The following DDR2 variants were observed in gnomAD, a reference collection of about 807,000 sequenced individuals.
DDR2 encodes the protein discoidin domain-containing receptor 2.
A neutral mutation model predicts 94.9 loss-of-function variants in DDR2; 27 were observed. That is an observed-to-expected ratio of 0.28 (90% CI 0.21 to 0.39). DDR2 has a LOEUF of 0.39. Among genes scored for constraint, DDR2 ranks in the 10% least tolerant of loss-of-function variants. The pLI is 1.00. For synonymous variants in DDR2, 382 were observed against 377.2 expected (o/e 1.01, Z -0.15); for missense variants, 783 against 1,076.0 (o/e 0.73, Z 3.81).
intron 11 of DDR2, among the ~76,000 whole-genome samples, chr1:162,768,689 A>T (rs1179616743): frequency 6.6e-6 from 1 of 152,180 alleles, no homozygotes; most frequent in Non-Finnish European, 1.5e-5. Flanking sequence ...GGTTCCTGAG[A>T]TGGTTGATGT....
intron 4 of DDR2, among the ~76,000 whole-genome samples, chr1:162,753,986 G>A (rs1663337569): frequency 6.6e-6 from 1 of 152,192 alleles, no homozygotes. Flanking sequence ...AGAAAAGGGA[G>A]CAATCCAAGG....
At chr1:162,761,113 G>T (rs902517084) in intron 8 of DDR2, 98 bp from the exon 9 acceptor site, 6 of 1,559,282 alleles carry the variant, frequency 3.8e-6, no homozygotes, top group African/African-American at 1.4e-5. Flanking sequence ...AGAATAGCTC[G>T]AATCAGGGTA....
rs569818031 is a variant in DDR2, at chr1:162,665,584, C to G, written c.-28+10210C>G. On this transcript the variant is annotated intron_variant, in intron 2 of 17. Coordinates refer to ENST00000367921, the MANE Select transcript of DDR2 (RefSeq NM_006182.4). The stretch of plus-strand genomic sequence containing the variant: ...TATGATTTTTTTTTTTTTTTTGCCA[C>G]TCATACAGGCTGCCTTTTATCAAAA... 1.8e-3 allele frequency among the ~76,000 whole-genome samples: 270 copies of G among 147,494 alleles called. 3 individuals carry two copies. The highest frequency in any genetic ancestry group is 6.3e-3 in the African/African-American group (254 of 40,086).
At chr1:162,672,700 A>G (rs974125917) in intron 2 of DDR2, among the ~76,000 whole-genome samples, 1 of 152,212 alleles carries the variant, frequency 6.6e-6, no homozygotes, top group Non-Finnish European at 1.5e-5. Flanking sequence ...GTATTGTGGT[A>G]AAAGATTAAC....
At chr1:162,704,008 C>G (rs1253006915) in intron 2 of DDR2, among the ~76,000 whole-genome samples, 2 of 152,134 alleles carry the variant, frequency 1.3e-5, no homozygotes, top group Non-Finnish European at 2.9e-5. Context: ...TGGTGGCATC[C>G]TTCATTTGAC....
intron 2 of DDR2, among the ~76,000 whole-genome samples, chr1:162,670,103 T>C (rs1229328443): frequency 6.6e-6 from 1 of 152,130 alleles, no homozygotes; most frequent in Non-Finnish European, 1.5e-5. Context: ...TTTGTAAACA[T>C]TTGTTTTGTT....
At chr1:162,758,035 G>A (rs1308019300) in intron 7 of DDR2, among the ~76,000 whole-genome samples, 1 of 152,146 alleles carries the variant, frequency 6.6e-6, no homozygotes, top group East Asian at 1.9e-4. Flanking sequence ...ATGGAAAAGG[G>A]AAACCAAGGA....
chr1:162,763,137 A>G (rs1214518752), intron 9 of DDR2, among the ~76,000 whole-genome samples: 1 of 147,458 alleles, frequency 6.8e-6, no homozygotes, highest in African/African-American at 2.5e-5. Context: ...GTGTCTGGCC[A>G]TTATTCTTTT....
At chr1:162,713,014 A>G (rs1213992109) in intron 2 of DDR2, among the ~76,000 whole-genome samples, 1 of 152,190 alleles carries the variant, frequency 6.6e-6, no homozygotes, top group Non-Finnish European at 1.5e-5. Flanking sequence ...AACAGCCTCA[A>G]TTGAGGGTGA....
At position 162,778,687 on chromosome 1, in the gene DDR2, T is replaced by G; in HGVS notation, c.2391T>G (p.Val797=). 6.2e-7 allele frequency: 1 copy of G among 1,614,020 alleles called. No homozygotes were observed. The highest frequency in any genetic ancestry group is 1.1e-5 in the South Asian group (1 of 91,080). Residue 797 remains valine, a synonymous_variant, in exon 17 of 18, where the codon GTT becomes GTG. Transcript: ENST00000367921. The part of the protein sequence containing the change: ...QPYSQLSDEQ[V]IENTGEFFRD... The stretch of plus-strand genomic sequence containing the variant: ...ATTCCCAGCTGTCAGATGAACAGGT[T>G]ATTGAGAATACTGGAGAGTTCTTCC...
At chr1:162,761,536 G>C in intron 9 of DDR2, 82 bp downstream of exon 9, 1 of 1,605,912 alleles carries the variant, frequency 6.2e-7, no homozygotes, top group Non-Finnish European at 8.5e-7. Context: ...CTCATTAGCA[G>C]GTCTCTGAGA....
At chr1:162,766,283 T>C (rs1226112016) in intron 10 of DDR2, among the ~76,000 whole-genome samples, 1 of 152,088 alleles carries the variant, frequency 6.6e-6, no homozygotes, top group African/African-American at 2.4e-5. Flanking sequence ...TGAGGCAGAG[T>C]CTGGAGTTGT....
chr1:162,750,658 A>T (rs534621041), intron 3 of DDR2, among the ~76,000 whole-genome samples: 1 of 152,332 alleles, frequency 6.6e-6, no homozygotes, highest in South Asian at 2.1e-4. Context: ...TAAAGTTCAT[A>T]TGGAACCAAA....
chr1:162,778,224 C>CTCTA (rs1477931434), intron 16 of DDR2, among the ~76,000 whole-genome samples: 1 of 152,162 alleles, frequency 6.6e-6, no homozygotes, highest in Non-Finnish European at 1.5e-5. Context: ...AACTAGATTC[C>CTCTA]TCTATCTCTA....
intron 1 of DDR2, among the ~76,000 whole-genome samples, chr1:162,639,500 T>G (rs1336916591): frequency 6.6e-6 from 1 of 152,212 alleles, no homozygotes; most frequent in Non-Finnish European, 1.5e-5. Flanking sequence ...AAGTGGATCA[T>G]AGACCAAAAT....
rs375126775 is a variant in DDR2, at chr1:162,760,027, A to C, written c.855+48A>C. The C allele has an allele frequency of 1.6e-5, 26 of 1,613,210 alleles. 1 individual carries two copies. Among genetic ancestry groups the C allele is most frequent in the Admixed American group, 3.3e-5 (2 of 60,000 alleles). On this transcript the variant is annotated intron_variant, in intron 8 of 17. Coordinates refer to ENST00000367921, the MANE Select transcript of DDR2 (RefSeq NM_006182.4). ...GAACTTCTTTAAGGAGGCACAAATCATAGTGTGGTAGAGAAAAGGCATGCT... is the reference window on the plus strand; with the variant it reads ...GAACTTCTTTAAGGAGGCACAAATCCTAGTGTGGTAGAGAAAAGGCATGCT...
At chr1:162,687,460 A>G (rs752285220) in intron 2 of DDR2, among the ~76,000 whole-genome samples, 28 of 152,118 alleles carry the variant, frequency 1.8e-4, no homozygotes, top group Admixed American at 6.5e-5. Context: ...GCAGATTAGG[A>G]ATATATGTTT....
rs543798114 is a variant in DDR2 at position 162,702,036 on chromosome 1, G to T, written c.-27-17001G>T. ...GCTCCTTGAAACTTTGCATCCTGGA[G>T]ATACAGCTTTCTAGTCACAAAGCCC... On this transcript the variant is annotated intron_variant, in intron 2 of 17. Coordinates refer to ENST00000367921, the MANE Select transcript of DDR2 (RefSeq NM_006182.4). 5.9e-5 allele frequency among the ~76,000 whole-genome samples: 9 copies of T among 152,250 alleles called. No individual in the cohort carries two copies. In the South Asian group the frequency reaches 1.7e-3, roughly 28 times the overall value.
intron 3 of DDR2, among the ~76,000 whole-genome samples, chr1:162,751,835 T>A (rs144190895): frequency 0.012 from 1,800 of 152,286 alleles, 43 homozygotes; most frequent in African/African-American, 0.041. Flanking sequence ...GGATGAGTTC[T>A]TGTCCTTTGT....
Sources: allele counts gnomAD v4.1 joint callset (sites outside exome capture counted in the v4.1 genomes callset), GRCh38; gene constraint gnomAD v4.1.1; transcripts MANE v1.5; gene names NCBI Gene and HGNC (gene_info 2026-07-23, HGNC 2026-07-21).